Variants in EYS observed in about 807,000 individuals in gnomAD.
The protein encoded by EYS is EGF-like photoreceptor maintenance factor, also known as protein eyes shut homolog.
Under a neutral mutation model 282.1 loss-of-function variants are expected in EYS, and 250 were observed. That is an observed-to-expected ratio of 0.89 (90% CI 0.80 to 0.98). EYS has a LOEUF of 0.98. EYS is among the 50% of genes least tolerant of loss of function. EYS has a pLI of 0.00. For synonymous variants in EYS, 1,355 were observed against 1,282.9 expected, an observed-to-expected ratio of 1.06 and a Z score of -1.20; for missense variants, 4,016 against 3,709.0, an observed-to-expected ratio of 1.08 and a Z score of -2.15.
intron 26 of EYS, among the ~76,000 whole-genome samples, chr6:64,450,044 TA>T (rs1489136017): frequency 6.6e-6 from 1 of 151,824 alleles, no homozygotes; most frequent in East Asian, 1.9e-4. Context: ...ATGCTCCAAT[TA>T]AAAGGCACAA....
chr6:65,542,472 A>AAT (rs1252278376), intron 2 of EYS, among the ~76,000 whole-genome samples: 2 of 111,648 alleles, frequency 1.8e-5, no homozygotes, highest in Non-Finnish European at 3.5e-5. Context: ...ATAACAATAG[A>AAT]ATGTGTGTGT....
intron 12 of EYS, among the ~76,000 whole-genome samples, chr6:65,124,732 C>T (rs1447131868): frequency 6.6e-6 from 1 of 152,088 alleles, no homozygotes. Flanking sequence ...CTAACACTGA[C>T]CTAGAACTTA....
chr6:64,155,760 CAG>C (rs1410482237), intron 31 of EYS, among the ~76,000 whole-genome samples: 2 of 152,194 alleles, frequency 1.3e-5, no homozygotes, highest in Non-Finnish European at 2.9e-5. Context: ...TTATTCATCA[CAG>C]ATTGTTGGAT....
rs377401166 is a variant in EYS at position 64,057,394 on chromosome 6, T to TA, written c.6725+8943dup. Among the ~76,000 whole-genome samples the TA allele has an allele frequency of 1.4e-3, 203 of 150,286 alleles. 1 individual carries two copies. Among genetic ancestry groups the TA allele is most frequent in the Admixed American group, 3.2e-3 (49 of 15,146 alleles). On this transcript the variant is annotated intron_variant, in intron 33 of 42. Coordinates refer to ENST00000503581, the MANE Select transcript of EYS (RefSeq NM_001142800.2). ...TAAAGTAAGGTTTTTTTTTTTTTTT[T>TA]AAAAATAGAATGGTCTCAAATGTGT...
At chr6:65,518,233 T>C (rs1767215663) in intron 2 of EYS, among the ~76,000 whole-genome samples, 1 of 152,110 alleles carries the variant, frequency 6.6e-6, no homozygotes, top group African/African-American at 2.4e-5. Flanking sequence ...GTAGACTAAA[T>C]TGAAAGAAAA....
chr6:65,471,117 ACAGAGCAC>A, intron 5 of EYS, among the ~76,000 whole-genome samples: 1 of 151,932 alleles, frequency 6.6e-6, no homozygotes, highest in African/African-American at 2.4e-5. Context: ...AGCCTGGGTG[ACAGAGCAC>A]GACGCCGTCT....
intron 2 of EYS, among the ~76,000 whole-genome samples, chr6:65,556,958 G>A (rs1768834089): frequency 6.6e-6 from 1 of 152,066 alleles, no homozygotes; most frequent in Admixed American, 6.5e-5. Flanking sequence ...TATCATAACA[G>A]TATATGGTAA....
At chr6:65,539,592 TC>T (rs1768087441) in intron 2 of EYS, among the ~76,000 whole-genome samples, 1 of 152,168 alleles carries the variant, frequency 6.6e-6, no homozygotes, top group African/African-American at 2.4e-5. Context: ...TAGGCATATA[TC>T]CTTAAAATGG....
chr6:64,293,063 AAGCAGAG>A (rs1430105390), intron 30 of EYS, among the ~76,000 whole-genome samples: 1 of 152,102 alleles, frequency 6.6e-6, no homozygotes, highest in Non-Finnish European at 1.5e-5. Flanking sequence ...TTAAAAATGT[AAGCAGAG>A]ACTATAACAA....
At chr6:65,207,582 C>T (rs1259894705) in intron 12 of EYS, among the ~76,000 whole-genome samples, 1 of 151,702 alleles carries the variant, frequency 6.6e-6, no homozygotes, top group Non-Finnish European at 1.5e-5. Flanking sequence ...CAATCCTAAA[C>T]TAAAAGAACA....
At chr6:64,363,886 A>G (rs992182189) in intron 29 of EYS, among the ~76,000 whole-genome samples, 2 of 151,936 alleles carry the variant, frequency 1.3e-5, no homozygotes, top group Non-Finnish European at 2.9e-5. Flanking sequence ...GGGAGGCAGA[A>G]TAAGTGTAGT....
chr6:63,857,791 A>G, intron 36 of EYS: 1 of 207,502 alleles, frequency 4.8e-6, no homozygotes, highest in South Asian at 8.0e-5. Context: ...AGGCAATTTT[A>G]TGAATAATAA....
At chr6:64,433,590 G>C (rs12175349) in intron 28 of EYS, among the ~76,000 whole-genome samples, 1 of 151,574 alleles carries the variant, frequency 6.6e-6, no homozygotes, top group South Asian at 2.1e-4. Flanking sequence ...TATAGACAGG[G>C]TATCAACTAA....
At chr6:64,600,657 G>C (rs1766734598) in intron 24 of EYS, among the ~76,000 whole-genome samples, 4 of 151,902 alleles carry the variant, frequency 2.6e-5, no homozygotes, top group Admixed American at 2.6e-4. Flanking sequence ...GTCTTTTCCA[G>C]CATACTACCA....
intron 8 of EYS, among the ~76,000 whole-genome samples, chr6:65,383,190 T>A (rs1215080097): frequency 6.6e-6 from 1 of 152,058 alleles, no homozygotes; most frequent in African/African-American, 2.4e-5. Flanking sequence ...TTTTTCTATT[T>A]CATAAATATT....
At chr6:65,130,503 A>T (rs946308123) in intron 12 of EYS, among the ~76,000 whole-genome samples, 2 of 151,950 alleles carry the variant, frequency 1.3e-5, no homozygotes, top group Non-Finnish European at 2.9e-5. Context: ...CTTTGTAGGG[A>T]CTTGGATGGC....
At chr6:65,125,091 A>G (rs1261755625) in intron 12 of EYS, among the ~76,000 whole-genome samples, 1 of 152,216 alleles carries the variant, frequency 6.6e-6, no homozygotes, top group Non-Finnish European at 1.5e-5. Context: ...GGCAAAGCCT[A>G]AGGGGCAGAA....
chr6:64,512,201 T>C (rs141628977), intron 26 of EYS, among the ~76,000 whole-genome samples: 2 of 152,130 alleles, frequency 1.3e-5, no homozygotes, highest in East Asian at 3.9e-4. Context: ...CAGAGTTGGG[T>C]TCCACTGGTT....
chr6:65,216,284 A>G (rs2150255670), intron 12 of EYS, among the ~76,000 whole-genome samples: 1 of 152,116 alleles, frequency 6.6e-6, no homozygotes, highest in African/African-American at 2.4e-5. Context: ...TACATGAGTG[A>G]AGTGTGGGTT....
Sources: allele counts gnomAD v4.1 joint callset (sites outside exome capture counted in the v4.1 genomes callset), GRCh38; gene constraint gnomAD v4.1.1; transcripts MANE v1.5; gene names NCBI Gene and HGNC (gene_info 2026-07-23, HGNC 2026-07-21).